CELF4: variants seen among roughly 807,000 people sequenced by gnomAD.
CELF4 encodes CUGBP Elav-like family member 4.
Under a neutral mutation model 59.9 loss-of-function variants are expected in CELF4, and 18 were observed. The ratio of observed to expected loss-of-function variants is 0.30; its 90% CI spans 0.21 to 0.45. The LOEUF is 0.45. Among genes scored for constraint, CELF4 ranks in the 20% least tolerant of loss-of-function variants. CELF4 has a pLI of 1.00. For missense variants in CELF4, 456 were observed against 689.0 expected (o/e 0.66, Z 3.79); for synonymous variants, 261 against 267.1 (o/e 0.98, Z 0.22).
At chr18:37,403,903 A>G (rs901660113) in intron 2 of CELF4, among the ~76,000 whole-genome samples, 1 of 151,996 alleles carries the variant, frequency 6.6e-6, no homozygotes, top group Non-Finnish European at 1.5e-5. Context: ...TCTCATTCCT[A>G]TTCTCAGAGG....
chr18:37,565,552 G>T lies in CELF4; in HGVS notation c.90C>A (p.Ala30=), dbSNP rs1350658086. The change falls in exon 1 of 13, where the codon GCC becomes GCA. Residue 30 remains alanine (A), a synonymous_variant. Transcript: ENST00000420428. ...TNGLGSSPGS[A]GHMNGLSHSP... ...TGTGGCTTAATCCGTTCATGTGCCC[G>T]GCACTGCCCGGGCTGCTGCCGAGCC... is the stretch of plus-strand genomic sequence containing the variant. The T allele has an allele frequency of 6.2e-7, 1 of 1,614,028 alleles. No homozygotes were observed. The highest frequency in any genetic ancestry group is 8.5e-7 in the Non-Finnish European group (1 of 1,180,018).
At chr18:37,340,181 C>G (rs1451681113) in intron 2 of CELF4, among the ~76,000 whole-genome samples, 1 of 152,250 alleles carries the variant, frequency 6.6e-6, no homozygotes, top group Non-Finnish European at 1.5e-5. Context: ...CTCAGGAAAT[C>G]TTGCCGAAGT....
intron 3 of CELF4, among the ~76,000 whole-genome samples, chr18:37,318,851 G>A (rs2096969480): frequency 6.6e-6 from 1 of 152,182 alleles, no homozygotes; most frequent in African/African-American, 2.4e-5. Context: ...TCCCTCTCCA[G>A]TGCTGGAGAA....
chr18:37,433,859 G>C (rs1465482134), intron 2 of CELF4, among the ~76,000 whole-genome samples: 1 of 152,274 alleles, frequency 6.6e-6, no homozygotes, highest in Non-Finnish European at 1.5e-5. Flanking sequence ...GGCTTGCCTT[G>C]TGGCAACCAG....
chr18:37,538,501 T>C (rs998754132), intron 1 of CELF4, among the ~76,000 whole-genome samples: 4 of 152,166 alleles, frequency 2.6e-5, no homozygotes, highest in African/African-American at 9.7e-5. Context: ...CCTTTTTGCT[T>C]TTCTGAATCC....
intron 1 of CELF4, among the ~76,000 whole-genome samples, chr18:37,528,642 T>C (rs746876353): frequency 1.3e-5 from 2 of 152,258 alleles, no homozygotes; most frequent in Non-Finnish European, 2.9e-5. Context: ...TTTGTGTGTG[T>C]CTGTACGTGA....
intron 2 of CELF4, among the ~76,000 whole-genome samples, chr18:37,347,430 A>AC (rs2098302025): frequency 6.6e-6 from 1 of 151,824 alleles, no homozygotes. Context: ...CCCATCCCCC[A>AC]CCCCTACACT....
chr18:37,307,064 C>T (rs1363125282), intron 3 of CELF4, among the ~76,000 whole-genome samples: 1 of 151,818 alleles, frequency 6.6e-6, no homozygotes, highest in East Asian at 1.9e-4. Flanking sequence ...ACAGAGGGGG[C>T]CACCAAGTCT....
chr18:37,420,065 G>T (rs911545036), intron 2 of CELF4, among the ~76,000 whole-genome samples: 3 of 152,256 alleles, frequency 2.0e-5, no homozygotes, highest in African/African-American at 7.2e-5. Flanking sequence ...GGAGGCTTGG[G>T]GGTGGGAAGG....
intron 1 of CELF4, among the ~76,000 whole-genome samples, chr18:37,525,647 T>A (rs1266013359): frequency 6.6e-6 from 1 of 152,126 alleles, no homozygotes; most frequent in Non-Finnish European, 1.5e-5. Flanking sequence ...CTGTTAGGGT[T>A]CCTTGGTGAC....
intron 1 of CELF4, among the ~76,000 whole-genome samples, chr18:37,563,574 G>C (rs141748573): frequency 6.6e-6 from 1 of 152,070 alleles, no homozygotes; most frequent in East Asian, 1.9e-4. Flanking sequence ...TGAGAGGGAG[G>C]GGGGGAAAAA....
At chr18:37,266,221 A>C in intron 9 of CELF4, 1 of 503,432 alleles carries the variant, frequency 2.0e-6, no homozygotes, top group South Asian at 2.1e-5. Flanking sequence ...TCCTGGGCAA[A>C]GTGGCCCTGG....
chr18:37,488,784 C>T (rs1007078898), intron 1 of CELF4, among the ~76,000 whole-genome samples: 4 of 152,196 alleles, frequency 2.6e-5, no homozygotes, highest in Admixed American at 2.6e-4. Flanking sequence ...TCCTGCCTCC[C>T]TTCCCTTTTC....
chr18:37,302,345 G>A (rs2096109844), intron 3 of CELF4, among the ~76,000 whole-genome samples: 1 of 152,140 alleles, frequency 6.6e-6, no homozygotes. Flanking sequence ...CCCCTAAAGT[G>A]CTTCCTTTAA....
chr18:37,536,405 G>T (rs923494561), intron 1 of CELF4, among the ~76,000 whole-genome samples: 1 of 152,150 alleles, frequency 6.6e-6, no homozygotes, highest in Non-Finnish European at 1.5e-5. Context: ...TCTCTTCTTT[G>T]TACTTTCCTG....
Position 37,485,516 on chromosome 18 carries a change from G to C in CELF4, c.369+9C>G. On this transcript the variant is annotated intron_variant, in intron 2 of 12. Transcript: ENST00000420428. The stretch of plus-strand genomic sequence containing the variant: ...GTCGGCCGCTTGCGCCACGGCGGGC[G>C]CCACTTACCCCGGGCAGAGTCTTCT... 7.4e-7 allele frequency: 1 copy of C among 1,348,200 alleles called. No homozygotes were observed. Among genetic ancestry groups the C allele is most frequent in the Non-Finnish European group, 9.6e-7 (1 of 1,040,724 alleles). 83.5% of individuals were successfully genotyped at this position (1,348,200 alleles called of 1,614,324 possible).
chr18:37,550,098 C>G (rs2099982709), intron 1 of CELF4, among the ~76,000 whole-genome samples: 1 of 121,186 alleles, frequency 8.3e-6, no homozygotes. Flanking sequence ...GGGGGGGATC[C>G]GTGGGAAGAA....
intron 1 of CELF4, among the ~76,000 whole-genome samples, chr18:37,524,863 G>T (rs907361311): frequency 6.6e-6 from 1 of 152,134 alleles, no homozygotes; most frequent in Non-Finnish European, 1.5e-5. Flanking sequence ...GGAGAATGGG[G>T]CGCAGCCGGG....
intron 2 of CELF4, among the ~76,000 whole-genome samples, chr18:37,350,545 G>T (rs2098418190): frequency 6.6e-6 from 1 of 152,106 alleles, no homozygotes; most frequent in African/African-American, 2.4e-5. Flanking sequence ...GCACATTGCA[G>T]GACCCACCTT....
Sources: gnomAD v4.1 joint callset for allele counts (sites outside exome capture counted in the v4.1 genomes callset) on GRCh38, gnomAD v4.1.1 for gene constraint, MANE v1.5 for transcripts, NCBI Gene and HGNC (gene_info 2026-07-23, HGNC 2026-07-21) for gene names.